Variants in FRMPD4 observed in about 807,000 individuals in gnomAD.
The protein encoded by FRMPD4 is FERM and PDZ domain-containing protein 4.
A neutral mutation model predicts 94.1 loss-of-function variants in FRMPD4; 22 were observed. The observed-to-expected ratio is 0.23, with a 90% CI of 0.17 to 0.33. The LOEUF (loss-of-function observed/expected upper bound fraction) is 0.33. FRMPD4 is among the 10% of genes least tolerant of loss of function. The probability of loss-of-function intolerance (pLI) is 1.00; values close to 1 mark genes in which losing one functional copy is unlikely to be tolerated. For missense variants in FRMPD4, 1,111 were observed against 1,339.9 expected, an observed-to-expected ratio of 0.83 and a Z score of 2.67; for synonymous variants, 631 against 548.6, an observed-to-expected ratio of 1.15 and a Z score of -2.10.
At chrX:12,028,100 C>T (rs190236577) in intron 3 of FRMPD4, among the ~76,000 whole-genome samples, 43 of 112,008 alleles carry the variant, frequency 3.8e-4, no homozygotes, top group Non-Finnish European at 7.0e-4. Context: ...CTGCTCAGCA[C>T]GTCACAAGCT....
At chrX:12,172,348 G>A (rs141473799) in intron 1 of FRMPD4, among the ~76,000 whole-genome samples, 1 of 111,292 alleles carries the variant, frequency 9.0e-6, no homozygotes, top group African/African-American at 3.3e-5. Flanking sequence ...GGTTGATGCT[G>A]ACCTAGCAGG....
At chrX:12,519,898 T>C (rs1037405117) in intron 2 of FRMPD4, among the ~76,000 whole-genome samples, 24 of 111,886 alleles carry the variant, frequency 2.1e-4, no homozygotes, top group African/African-American at 7.8e-4. Context: ...AGGAAATAAT[T>C]AGTGTTGGCA....
intron 1 of FRMPD4, among the ~76,000 whole-genome samples, chrX:12,434,158 T>C (rs2057038986): frequency 8.9e-6 from 1 of 112,044 alleles, no homozygotes; most frequent in African/African-American, 3.3e-5. Context: ...CCTTCAATGC[T>C]TGTGCTTTAA....
chrX:12,474,279 C>A (rs987278207), intron 1 of FRMPD4, among the ~76,000 whole-genome samples: 2 of 110,688 alleles, frequency 1.8e-5, no homozygotes, highest in African/African-American at 6.7e-5. Context: ...AAAGACACAA[C>A]CTACCAGAAT....
intron 1 of FRMPD4, among the ~76,000 whole-genome samples, chrX:12,407,369 C>G (rs2056678634): frequency 9.0e-6 from 1 of 111,727 alleles, no homozygotes; most frequent in Non-Finnish European, 1.9e-5. Flanking sequence ...TGCCACAGAG[C>G]TTGCGCACCA....
intron 3 of FRMPD4, among the ~76,000 whole-genome samples, chrX:12,008,737 T>A (rs2054566502): frequency 2.7e-5 from 3 of 112,092 alleles, no homozygotes. Flanking sequence ...GGATGACTGG[T>A]TTGCTATGAT....
chrX:12,359,466 TTTTTTC>T (rs1350462248), intron 1 of FRMPD4, among the ~76,000 whole-genome samples: 2 of 84,096 alleles, frequency 2.4e-5, no homozygotes, highest in African/African-American at 8.8e-5. Flanking sequence ...TTTTGTTTTC[TTTTTTC>T]TTTTTTTTTT....
intron 1 of FRMPD4, among the ~76,000 whole-genome samples, chrX:12,213,099 C>T (rs752473514): frequency 2.7e-5 from 3 of 111,315 alleles, no homozygotes; most frequent in South Asian, 3.9e-4. Flanking sequence ...GCTATAGCTG[C>T]GTTTCTTCTT....
intron 1 of FRMPD4, among the ~76,000 whole-genome samples, chrX:11,864,445 G>C (rs1241857299): frequency 2.0e-4 from 22 of 110,372 alleles, no homozygotes; most frequent in African/African-American, 6.9e-4. Flanking sequence ...AAGCAGAAGG[G>C]AAGAAGAAAA....
At chrX:12,589,429 C>T (rs761282603) in intron 2 of FRMPD4, among the ~76,000 whole-genome samples, 3 of 111,671 alleles carry the variant, frequency 2.7e-5, no homozygotes, top group South Asian at 7.6e-4. Flanking sequence ...TTAATATATC[C>T]GAAACTGAAT....
chrX:12,190,819 A>G (rs766316773), intron 1 of FRMPD4, among the ~76,000 whole-genome samples: 1 of 111,049 alleles, frequency 9.0e-6, no homozygotes, highest in East Asian at 2.8e-4. Flanking sequence ...AACTTTGGAG[A>G]ATACCTACAT....
At chrX:12,411,640 G>A (rs779507790) in intron 1 of FRMPD4, among the ~76,000 whole-genome samples, 7 of 112,073 alleles carry the variant, frequency 6.2e-5, no homozygotes, top group Admixed American at 3.8e-4. Context: ...ATGCTAAAGC[G>A]TGGGAAATGT....
intron 1 of FRMPD4, among the ~76,000 whole-genome samples, chrX:12,353,229 C>G (rs990887733): frequency 2.7e-5 from 3 of 111,789 alleles, no homozygotes; most frequent in African/African-American, 9.8e-5. Flanking sequence ...AATGTTCTCA[C>G]TGGTAGTATC....
chrX:12,179,509 G>A (rs1429852409), intron 1 of FRMPD4, among the ~76,000 whole-genome samples: 1 of 111,816 alleles, frequency 8.9e-6, no homozygotes, highest in Non-Finnish European at 1.9e-5. Context: ...ATAGATTAAA[G>A]GCTTGTAAAT....
chrX:11,990,315 G>A (rs780951098), intron 3 of FRMPD4, among the ~76,000 whole-genome samples: 1 of 111,972 alleles, frequency 8.9e-6, no homozygotes, highest in East Asian at 2.8e-4. Context: ...AACAGGAATG[G>A]GGAGTGACTG....
intron 1 of FRMPD4, among the ~76,000 whole-genome samples, chrX:12,261,647 GA>G (rs2054190721): frequency 2.7e-5 from 3 of 112,008 alleles, no homozygotes; most frequent in South Asian, 7.4e-4. Context: ...AACAATAAGT[GA>G]GGCATTCATG....
At chrX:12,590,464 T>C (rs1322996548) in intron 2 of FRMPD4, among the ~76,000 whole-genome samples, 1 of 112,007 alleles carries the variant, frequency 8.9e-6, no homozygotes, top group Non-Finnish European at 1.9e-5. Context: ...TTCTTCTAAC[T>C]AGACAAAGTA....
chrX:12,064,049 C>T (rs749185280), intron 3 of FRMPD4, among the ~76,000 whole-genome samples: 11 of 111,808 alleles, frequency 9.8e-5, no homozygotes, highest in Middle Eastern at 9.2e-3. Context: ...TTCCATATGT[C>T]TATATGTGCC....
chrX:12,556,374 C>A (rs745787116), intron 2 of FRMPD4, among the ~76,000 whole-genome samples: 4 of 110,858 alleles, frequency 3.6e-5, no homozygotes, highest in African/African-American at 1.3e-4. Flanking sequence ...GCAGCAGAGA[C>A]CCTCTTGCTG....
Sources: allele counts gnomAD v4.1 joint callset (sites outside exome capture counted in the v4.1 genomes callset), GRCh38; gene constraint gnomAD v4.1.1; transcripts MANE v1.5; gene names NCBI Gene and HGNC (gene_info 2026-07-23, HGNC 2026-07-21).